Variants in CIT observed in about 807,000 individuals in gnomAD.
CIT encodes citron Rho-interacting kinase.
In CIT, 79 loss-of-function variants were observed where a neutral mutation model predicts 272.7. The observed-to-expected ratio is 0.29, with a 90% CI of 0.24 to 0.35. CIT has a LOEUF of 0.35. CIT is among the 10% of genes least tolerant of loss of function. CIT has a pLI of 1.00. For missense variants in CIT, 1,909 were observed against 2,618.3 expected (o/e 0.73, Z 5.91); for synonymous variants, 948 against 995.6 (o/e 0.95, Z 0.90).
chr12:119,795,690 C>T (rs985511496), intron 10 of CIT, among the ~76,000 whole-genome samples: 1 of 152,136 alleles, frequency 6.6e-6, no homozygotes, highest in African/African-American at 2.4e-5. Context: ...GGTCTAGAGG[C>T]AACCAGATAT....
In CIT at chr12:119,701,819, G is replaced by T. The variant is rs763442325; in HGVS notation, c.5413+31C>A. The stretch of plus-strand genomic sequence containing the variant: ...TGAGTCTCAGCGCGGCCTGAGCCAT[G>T]GGTGGGTGCGAAAGTGGAGGTGGGT... On this transcript the variant is annotated intron_variant, in intron 42 of 47. Transcript: ENST00000392521. 15 of 1,614,084 alleles carry T rather than the reference G, an allele frequency of 9.3e-6. No individual in the cohort carries two copies. In the South Asian group the frequency reaches 1.6e-4, roughly 18 times the overall value.
rs1245418211 is a variant in CIT, at chr12:119,784,216, GTTC to G, written c.1402-168_1402-166del. The G allele has an allele frequency of 6.2e-7, 1 of 1,601,342 alleles. No individual in the cohort carries two copies. The highest frequency in any genetic ancestry group is 8.5e-7 in the Non-Finnish European group (1 of 1,172,554). ...TTGTTTCTTCGCCCAGGAGCGCACA[GTTC>G]TTCGTTAAGGACAGTCACCAAATGC... On this transcript the variant is annotated intron_variant, in intron 11 of 47. Transcript: ENST00000392521. This position sits in a 1 kb window ranked among gnomAD's most constrained non-coding sequence, Gnocchi z 4.7.
intron 46 of CIT, among the ~76,000 whole-genome samples, chr12:119,693,017 TG>T (rs1392180089): frequency 4.0e-5 from 6 of 150,552 alleles, no homozygotes; most frequent in African/African-American, 1.5e-4. Flanking sequence ...CTACTTGTAA[TG>T]GAAAAGAAAT....
intron 32 of CIT, among the ~76,000 whole-genome samples, chr12:119,716,594 G>A (rs1957500369): frequency 6.6e-6 from 1 of 152,022 alleles, no homozygotes; most frequent in African/African-American, 2.4e-5. Context: ...ATTCCAAACA[G>A]CTTCCTTGGC....
intron 5 of CIT, among the ~76,000 whole-genome samples, chr12:119,847,249 G>C (rs1969873789): frequency 6.6e-6 from 1 of 152,118 alleles, no homozygotes; most frequent in African/African-American, 2.4e-5. Flanking sequence ...CTCCCAAATT[G>C]CTGGGATTAC....
Position 119,762,384 on chromosome 12 carries a change from CA to C in CIT, c.2305-1330del, listed in dbSNP as rs1162124460. Among the ~76,000 whole-genome samples, 3 of 152,270 alleles carry C rather than the reference CA, an allele frequency of 2.0e-5. No individual in the cohort carries two copies. The East Asian group carries it at 5.8e-4, about 29-fold the overall frequency. On this transcript the variant is annotated intron_variant, in intron 19 of 47. Transcript: ENST00000392521. ...ATGATTCTAAAATTATGAGCAAGAA[CA>C]GGGTAGAATCGAGGGTATGATCATA...
chr12:119,811,943 A>ATT lies in CIT; in HGVS notation c.1112-8556_1112-8555dup, dbSNP rs35887106. 3.8e-3 allele frequency among the ~76,000 whole-genome samples: 497 copies of ATT among 129,764 alleles called. 4 individuals carry two copies. Among genetic ancestry groups the ATT allele is most frequent in the East Asian group, 6.8e-3 (30 of 4,400 alleles). The allele number at this position is 129,764 out of a possible 152,430, so 85.1% of individuals were successfully genotyped here. ...TCACCCTGGTGGATATTCCCCAGGA[A>ATT]TTTTTTTTTTTTTTTTTTTTGAGAC... On this transcript the variant is annotated intron_variant, in intron 9 of 47. Coordinates refer to ENST00000392521, the MANE Select transcript of CIT (RefSeq NM_001206999.2).
intron 24 of CIT, 67 bp downstream of exon 24, chr12:119,742,344 C>T (rs369226916): frequency 3.9e-5 from 44 of 1,122,488 alleles, no homozygotes; most frequent in African/African-American, 3.2e-4. Context: ...TTTAAAGAGA[C>T]GTCCCCTTTT....
intron 19 of CIT, among the ~76,000 whole-genome samples, chr12:119,762,430 G>C (rs1326067898): frequency 3.9e-5 from 6 of 152,156 alleles, no homozygotes; most frequent in Admixed American, 3.9e-4. Context: ...AAAATGGCCT[G>C]ACAGAGGCTG....
intron 10 of CIT, among the ~76,000 whole-genome samples, chr12:119,791,761 A>ACT (rs2137779775): frequency 6.6e-6 from 1 of 152,234 alleles, no homozygotes; most frequent in Admixed American, 6.5e-5. Context: ...AGAAAAACTT[A>ACT]CTCTGAAATC....
chr12:119,724,190 C>G (rs1957962498), intron 28 of CIT, among the ~76,000 whole-genome samples: 1 of 151,958 alleles, frequency 6.6e-6, no homozygotes, highest in African/African-American at 2.4e-5. Flanking sequence ...AGTTGACTGT[C>G]ACAGAGATAA....
At chr12:119,765,469 C>CTTTT (rs34623472) in intron 19 of CIT, among the ~76,000 whole-genome samples, 1 of 115,450 alleles carries the variant, frequency 8.7e-6, no homozygotes, top group African/African-American at 3.4e-5. Context: ...AAGAAACAGA[C>CTTTT]TTTTTTTTTT....
chr12:119,782,773 G>C, intron 12 of CIT, 136 bp from the exon 13 acceptor site: 3 of 1,070,246 alleles, frequency 2.8e-6, no homozygotes, highest in Non-Finnish European at 3.9e-6. Context: ...ACAACTTCCA[G>C]TTGGTTGCCG....
rs1425728945 is a variant in CIT at position 119,869,088 on chromosome 12, A to G, written c.210T>C (p.Ile70=). The G allele has an allele frequency of 6.2e-7, 1 of 1,612,114 alleles. No homozygotes were observed. Among genetic ancestry groups the G allele is most frequent in the Non-Finnish European group, 8.5e-7 (1 of 1,179,582 alleles). ...EECSQPALMK[I]KHVSNFVRKY... is the part of the protein sequence containing the mutation. ...TCCGGACAAAGTTGCTCACGTGCTT[A>G]ATCTTCATCAGAGCAGGCTGACTGC... The change falls in exon 3 of 48, where the codon ATT becomes ATC. Residue 70 remains isoleucine (I), a synonymous_variant. Coordinates refer to ENST00000392521, the MANE Select transcript of CIT (RefSeq NM_001206999.2).
chr12:119,718,667 C>A lies in CIT; in HGVS notation c.4003+32G>T. 5.0e-6 allele frequency: 8 copies of A among 1,611,758 alleles called. No individual in the cohort carries two copies. The highest frequency in any genetic ancestry group is 6.8e-6 in the Non-Finnish European group (8 of 1,179,584). ...GATCAATCCTCTGCCTTTTCCACAT[C>A]CTTGAGCATTTTGGAGAGAGTGAGC... On this transcript the variant is annotated intron_variant, in intron 31 of 47. Coordinates refer to ENST00000392521, the MANE Select transcript of CIT (RefSeq NM_001206999.2). This position sits in a 1 kb window ranked among gnomAD's most constrained non-coding sequence, Gnocchi z 4.8.
chr12:119,797,801 T>A (rs1017432509), intron 10 of CIT, among the ~76,000 whole-genome samples: 54 of 152,350 alleles, frequency 3.5e-4, no homozygotes, highest in African/African-American at 1.2e-3. Flanking sequence ...GAGTTCAGGC[T>A]GTCTTCCACT....
chr12:119,772,198 G>A (rs974132132), intron 17 of CIT, among the ~76,000 whole-genome samples: 1 of 152,138 alleles, frequency 6.6e-6, no homozygotes, highest in Non-Finnish European at 1.5e-5. Flanking sequence ...AGGCAGATAC[G>A]AGTAAAGGAG....
chr12:119,699,907 G>A (rs1565902936), intron 44 of CIT: 1 of 456,106 alleles, frequency 2.2e-6, no homozygotes. Context: ...AGATACGTAT[G>A]TACATACTTG....
chr12:119,741,194 A>G (rs1593548148), intron 24 of CIT, among the ~76,000 whole-genome samples: 1 of 152,240 alleles, frequency 6.6e-6, no homozygotes, highest in Non-Finnish European at 1.5e-5. Context: ...GTACAGCAAC[A>G]TGGAGGAACC....
Sources: gnomAD v4.1 joint callset for allele counts (sites outside exome capture counted in the v4.1 genomes callset) on GRCh38, gnomAD v4.1.1 for gene constraint, Gnocchi (gnomAD v3.1) non-coding constraint, MANE v1.5 for transcripts, NCBI Gene and HGNC (gene_info 2026-07-23, HGNC 2026-07-21) for gene names.